The following MRE11 variants were observed in gnomAD, a reference collection of about 807,000 sequenced individuals.
The protein encoded by MRE11 is MRE11 double strand break repair nuclease, also known as double-strand break repair protein MRE11.
In MRE11, 62 loss-of-function variants were observed where a neutral mutation model predicts 91.7. That is an observed-to-expected ratio of 0.68 (90% CI 0.55 to 0.84). The LOEUF is 0.84. Ranked by LOEUF, MRE11 falls within the 40% of genes least tolerant of loss-of-function variation. The pLI is 0.00. For synonymous variants in MRE11, 273 were observed against 271.4 expected (o/e 1.01, Z -0.06); for missense variants, 796 against 852.9 (o/e 0.93, Z 0.83).
chr11:94,416,616 T>A lies in MRE11; in HGVS notation c.*3509A>T, dbSNP rs892994909. 2.1e-5 allele frequency: 3 copies of A among 143,434 alleles called. No individual in the cohort carries two copies. The highest frequency in any genetic ancestry group is 7.8e-5 in the African/African-American group (3 of 38,378). The allele number at this position is 143,434 out of a possible 1,614,324, so 8.9% of individuals were successfully genotyped here. A position where few individuals can be genotyped will look rare whatever the true frequency, so the allele number is the denominator to read the frequency against. On this transcript the variant is annotated 3_prime_UTR_variant, in exon 20 of 20. Coordinates refer to ENST00000323929, the MANE Select transcript of MRE11 (RefSeq NM_005591.4). ...ATCCCAGCACTTTGGGAGGCTGAGG[T>A]GGGTGGATCACAAGGTCAGGAGATC... is the stretch of plus-strand genomic sequence containing the variant.
intron 13 of MRE11, among the ~76,000 whole-genome samples, chr11:94,458,390 A>AT (rs59352318): frequency 1 from 152,238 of 152,238 alleles, 76,119 homozygotes; most frequent in Non-Finnish European, 1. Context: ...TATCTTTGAA[A>AT]TCTTTCCCAA....
chr11:94,460,514 C>T (rs1184113172), intron 12 of MRE11, among the ~76,000 whole-genome samples: 3 of 152,164 alleles, frequency 2.0e-5, no homozygotes, highest in African/African-American at 7.2e-5. Context: ...ACAACAATAA[C>T]AGTTATGTTA....
At chr11:94,477,217 A>G (rs1371028481) in intron 6 of MRE11, among the ~76,000 whole-genome samples, 1 of 152,204 alleles carries the variant, frequency 6.6e-6, no homozygotes, top group African/African-American at 2.4e-5. Flanking sequence ...TCTAATATAT[A>G]CATTATAACA....
At chr11:94,456,507 T>C (rs921874145) in intron 13 of MRE11, among the ~76,000 whole-genome samples, 169 bp from the exon 14 acceptor site, 16 of 116,472 alleles carry the variant, frequency 1.4e-4, no homozygotes, top group African/African-American at 6.1e-4. Context: ...AATTGCACAA[T>C]GTACTCTTAA....
upstream of MRE11, chr11:94,496,661 T>C: frequency 1.3e-6 from 2 of 1,517,728 alleles, no homozygotes; most frequent in Middle Eastern, 1.8e-4. Context: ...TCCTGGCATT[T>C]GAAATGCTTT....
the MRE11 span, among the ~76,000 whole-genome samples, chr11:94,509,718 C>T: frequency 3.3e-5 from 5 of 152,140 alleles, no homozygotes; most frequent in African/African-American, 7.2e-5. Flanking sequence ...GGATTACAGG[C>T]GTGACCCACC....
chr11:94,456,653 TAAAAA>T (rs1946255210), intron 13 of MRE11, among the ~76,000 whole-genome samples: 1 of 152,150 alleles, frequency 6.6e-6, no homozygotes. Context: ...GTAAACTAGT[TAAAAA>T]CAAAAATATC....
chr11:94,433,855 TG>T (rs1030206160), intron 18 of MRE11, among the ~76,000 whole-genome samples: 1 of 152,232 alleles, frequency 6.6e-6, no homozygotes, highest in African/African-American at 2.4e-5. Flanking sequence ...CTCTGCTTTT[TG>T]CAAGGCCACA....
chr11:94,427,998 C>T (rs972180330), intron 19 of MRE11, among the ~76,000 whole-genome samples: 2 of 152,188 alleles, frequency 1.3e-5, no homozygotes, highest in African/African-American at 4.8e-5. Context: ...CTATCCCTAT[C>T]AAACTACCAA....
At chr11:94,479,985 T>C (rs1246474180) in intron 4 of MRE11, among the ~76,000 whole-genome samples, 2 of 152,176 alleles carry the variant, frequency 1.3e-5, no homozygotes, top group Non-Finnish European at 2.9e-5. Context: ...CCAACTATAA[T>C]AAACAGTGCT....
At chr11:94,466,670 T>G (rs745522590) in intron 10 of MRE11, 13 of 280,154 alleles carry the variant, frequency 4.6e-5, no homozygotes, top group Non-Finnish European at 8.4e-5. Flanking sequence ...CTCTACACTG[T>G]ACTCTTTACC....
intron 16 of MRE11, among the ~76,000 whole-genome samples, chr11:94,442,623 C>T (rs1591649095): frequency 1.3e-5 from 2 of 152,302 alleles, no homozygotes; most frequent in East Asian, 1.9e-4. Context: ...TTATTTTATT[C>T]ACTCTTTTTC....
chr11:94,479,708 A>T lies in MRE11; in HGVS notation c.368T>A (p.Phe123Tyr), dbSNP rs776123191. The change falls in exon 5 of 20, where the codon TTT becomes TAT. Residue 123 changes from phenylalanine (F) to tyrosine (Y), a missense_variant. Phe to Tyr is a conservative substitution (Grantham distance 22, BLOSUM62 3). Coordinates refer to ENST00000323929, the MANE Select transcript of MRE11 (RefSeq NM_005591.4). ...ATCGTCATGATTGCCATGAATACTA[A>T]ACACTGGAATTGAAATGTTGAGGTT... ...DGNLNISIPV[F>Y]SIHGNHDDPT... 3 of 1,613,282 alleles carry T rather than the reference A, an allele frequency of 1.9e-6. No individual in the cohort carries two copies. Among genetic ancestry groups the T allele is most frequent in the Non-Finnish European group, 2.5e-6 (3 of 1,179,742 alleles).
intron 11 of MRE11, among the ~76,000 whole-genome samples, chr11:94,462,074 C>CA (rs1478551433): frequency 1.3e-5 from 2 of 151,950 alleles, no homozygotes; most frequent in East Asian, 3.9e-4. Context: ...GACTCTGTCT[C>CA]AAAAAAATGA....
rs1187928074 is a variant in MRE11, at chr11:94,416,190, G to C, written c.*3935C>G. On this transcript the variant is annotated 3_prime_UTR_variant, in exon 20 of 20. Coordinates refer to ENST00000323929, the MANE Select transcript of MRE11 (RefSeq NM_005591.4). ...AAACGTGTTCCTAATTGTCGGTGGGGAGAGGATTAAAGGTAAGCACACACA... is the reference window on the plus strand; with the variant it reads ...AAACGTGTTCCTAATTGTCGGTGGGCAGAGGATTAAAGGTAAGCACACACA... The C allele has an allele frequency of 6.6e-6, 1 of 152,198 alleles. No individual in the cohort carries two copies. The highest frequency in any genetic ancestry group is 1.5e-5 in the Non-Finnish European group (1 of 68,038). 9.4% of individuals were successfully genotyped at this position (152,198 alleles called of 1,614,324 possible).
intron 14 of MRE11, among the ~76,000 whole-genome samples, chr11:94,454,391 CT>C (rs1459194006): frequency 6.6e-6 from 1 of 152,032 alleles, no homozygotes; most frequent in African/African-American, 2.4e-5. Context: ...TTAAAGCATA[CT>C]GTTTTTTCTC....
In MRE11 at chr11:94,418,963, T is replaced by C. The variant is rs1945093371; in HGVS notation, c.*1162A>G. 4.3e-6 allele frequency: 1 copy of C among 231,298 alleles called. No individual in the cohort carries two copies. Among genetic ancestry groups the C allele is most frequent in the East Asian group, 6.2e-5 (1 of 16,206 alleles). The allele number at this position is 231,298 out of a possible 1,614,324, so 14.3% of individuals were successfully genotyped here. A position where few individuals can be genotyped will look rare whatever the true frequency, so the allele number is the denominator to read the frequency against. On this transcript the variant is annotated 3_prime_UTR_variant, in exon 20 of 20. Coordinates refer to ENST00000323929, the MANE Select transcript of MRE11 (RefSeq NM_005591.4). ...TGAGTATCACTGAGTCAAGTATTTG[T>C]TTCTACCTATGAAGAAATGTCGGGC...
At chr11:94,447,088 T>C (rs527880283) in intron 15 of MRE11, 131 bp downstream of exon 15, 7 of 984,986 alleles carry the variant, frequency 7.1e-6, no homozygotes, top group Admixed American at 2.0e-5. Context: ...CTTTATATAT[T>C]ATAAAAATAG....
At chr11:94,444,187 G>C (rs1455236186) in intron 16 of MRE11, among the ~76,000 whole-genome samples, 1 of 152,054 alleles carries the variant, frequency 6.6e-6, no homozygotes. Context: ...AGGATTATAG[G>C]CATGAGCCAC....
Sources: gnomAD v4.1 joint callset for allele counts (sites outside exome capture counted in the v4.1 genomes callset) on GRCh38, gnomAD v4.1.1 for gene constraint, MANE v1.5 for transcripts, NCBI Gene and HGNC (gene_info 2026-07-23, HGNC 2026-07-21) for gene names.